The following NAV3 variants were observed in gnomAD, a reference collection of about 807,000 sequenced individuals.
NAV3 encodes the protein neuron navigator 3, also known as pore membrane and/or filament interacting like protein 1.
A neutral mutation model predicts 244.7 loss-of-function variants in NAV3; 87 were observed. The ratio of observed to expected loss-of-function variants is 0.36; its 90% confidence interval spans 0.30 to 0.42. NAV3 has a LOEUF of 0.42. NAV3 is among the 20% of genes least tolerant of loss of function. NAV3 has a pLI of 1.00. For missense variants in NAV3, 2,663 were observed against 2,893.3 expected (o/e 0.92, Z 1.83); for synonymous variants, 1,126 against 1,042.2 (o/e 1.08, Z -1.55).
chr12:78,188,922 A>C (rs1206807857), intron 33 of NAV3, 145 bp downstream of exon 33: 4 of 636,980 alleles, frequency 6.3e-6, no homozygotes, highest in Non-Finnish European at 1.0e-5. Flanking sequence ...GACTCATTTC[A>C]TACCAAAACT....
At chr12:77,973,997 C>T (rs1193744117) in intron 5 of NAV3, among the ~76,000 whole-genome samples, 2 of 151,852 alleles carry the variant, frequency 1.3e-5, no homozygotes, top group Admixed American at 6.6e-5. Context: ...TTATTCTTAA[C>T]TGACTGCATT....
chr12:77,781,993 A>C (rs1246719434), intron 2 of NAV3, among the ~76,000 whole-genome samples: 1 of 152,212 alleles, frequency 6.6e-6, no homozygotes, highest in African/African-American at 2.4e-5. Flanking sequence ...GAGCATTTAC[A>C]TGAAGATATA....
intron 33 of NAV3, 28 bp downstream of exon 33, chr12:78,188,805 G>A (rs1286756137): frequency 6.2e-7 from 1 of 1,600,666 alleles, no homozygotes; most frequent in South Asian, 1.1e-5. Flanking sequence ...AAGCAAGGCA[G>A]AAATATAATT....
At chr12:78,094,312 C>T (rs1954118900) in intron 12 of NAV3, among the ~76,000 whole-genome samples, 3 of 152,128 alleles carry the variant, frequency 2.0e-5, no homozygotes, top group Admixed American at 2.0e-4. Flanking sequence ...TACCAAAAGA[C>T]ACCTAGAAAA....
chr12:77,630,371 A>G (rs968951715), intron 2 of NAV3, among the ~76,000 whole-genome samples: 2 of 152,152 alleles, frequency 1.3e-5, no homozygotes, highest in African/African-American at 4.8e-5. Flanking sequence ...CACTATGAGC[A>G]CCTGTCTGCC....
In NAV3 at chr12:77,998,494, C is replaced by T. The variant is rs532173821; in HGVS notation, c.880+18C>T. On this transcript the variant is annotated intron_variant, in intron 7 of 39. Coordinates refer to ENST00000397909, the MANE Select transcript of NAV3 (RefSeq NM_001024383.2). Reference sequence around the variant, plus strand: ...CGAAAAAGGTAAGTGTTTGTTACATCATTATGACACAAGTCCAACATGAGT... The same window carrying T: ...CGAAAAAGGTAAGTGTTTGTTACATTATTATGACACAAGTCCAACATGAGT... 561 of 1,584,794 alleles carry T rather than the reference C, an allele frequency of 3.5e-4. 13 individuals carry two copies. In the South Asian group the frequency reaches 6.2e-3, roughly 17 times the overall value.
intron 3 of NAV3, among the ~76,000 whole-genome samples, chr12:77,951,532 C>T (rs976599703): frequency 1.3e-5 from 2 of 152,116 alleles, no homozygotes; most frequent in Non-Finnish European, 2.9e-5. Flanking sequence ...GGATCTGGAA[C>T]TAGAAATACC....
upstream of NAV3, among the ~76,000 whole-genome samples, chr12:77,827,198 G>T (rs970670905): frequency 8.2e-6 from 1 of 122,290 alleles, no homozygotes; most frequent in Non-Finnish European, 1.6e-5. Context: ...ATGAAATATA[G>T]TTACTCCAGC....
At position 77,878,668 on chromosome 12, in the gene NAV3, T is replaced by TG. The variant is rs1555221838; in HGVS notation, c.243+46964_243+46965insG. The stretch of plus-strand genomic sequence containing the variant: ...CAATCTTTTGTAATGCTTAAACTTC[T>TG]AAAAAAAAAAAAAACAAGGTCTTTT... On this transcript the variant is annotated intron_variant, in intron 1 of 39. Coordinates refer to ENST00000397909, the MANE Select transcript of NAV3 (RefSeq NM_001024383.2). Among the ~76,000 whole-genome samples, 798 of 137,868 alleles carry TG rather than the reference T, an allele frequency of 5.8e-3. 6 individuals are homozygous for TG. Among genetic ancestry groups the TG allele is most frequent in the African/African-American group, 0.02 (774 of 37,882 alleles). The allele number at this position is 137,868 out of a possible 152,430, so 90.4% of individuals were successfully genotyped here. A position where few individuals can be genotyped will look rare whatever the true frequency, so the allele number is the denominator to read the frequency against.
chr12:78,177,597 T>C, intron 27 of NAV3, 23 bp from the exon 28 acceptor site: 1 of 1,590,578 alleles, frequency 6.3e-7, no homozygotes, highest in Non-Finnish European at 8.5e-7. Context: ...TCCATGTATC[T>C]GTCTAACTGT....
At chr12:77,701,413 T>A (rs1016789474) in intron 2 of NAV3, among the ~76,000 whole-genome samples, 1 of 151,904 alleles carries the variant, frequency 6.6e-6, no homozygotes, top group East Asian at 1.9e-4. Context: ...ATACTTGTGA[T>A]ATGTATTTTC....
chr12:77,704,885 G>C (rs369104066), intron 2 of NAV3, among the ~76,000 whole-genome samples: 1 of 152,126 alleles, frequency 6.6e-6, no homozygotes, highest in Non-Finnish European at 1.5e-5. Flanking sequence ...ACTTCACTGT[G>C]GGTTTCCCCT....
At chr12:77,646,379 A>G (rs957299939) in intron 2 of NAV3, among the ~76,000 whole-genome samples, 2 of 152,196 alleles carry the variant, frequency 1.3e-5, no homozygotes, top group African/African-American at 4.8e-5. Flanking sequence ...ACAGAGGCAG[A>G]GAAAGCGGAA....
intron 2 of NAV3, among the ~76,000 whole-genome samples, chr12:77,580,979 C>T (rs1363242380): frequency 6.6e-6 from 1 of 152,144 alleles, no homozygotes; most frequent in African/African-American, 2.4e-5. Flanking sequence ...GTTCCCCTGC[C>T]ATACTTCTCC....
chr12:77,786,691 T>C (rs1442679676), intron 2 of NAV3, among the ~76,000 whole-genome samples: 1 of 152,186 alleles, frequency 6.6e-6, no homozygotes, highest in Non-Finnish European at 1.5e-5. Context: ...GGAAGGATTA[T>C]GTGGAAGGAA....
rs1956836955 is a variant in NAV3, at chr12:78,145,694, TTTCC to T, written c.4684-674_4684-671del. On this transcript the variant is annotated intron_variant, in intron 20 of 39. Coordinates refer to ENST00000397909, the MANE Select transcript of NAV3 (RefSeq NM_001024383.2). ...CTGCAAATTCCTATGGCAGTCCTCC[TTTCC>T]ATAAGCTGCATAGCCAAAAATGTTT... 3.9e-5 allele frequency among the ~76,000 whole-genome samples: 6 copies of T among 152,314 alleles called. No individual in the cohort carries two copies. The South Asian group carries it at 1.2e-3, about 32-fold the overall frequency.
At chr12:77,681,957 G>A (rs1254307739) in intron 2 of NAV3, among the ~76,000 whole-genome samples, 2 of 152,154 alleles carry the variant, frequency 1.3e-5, no homozygotes, top group African/African-American at 2.4e-5. Context: ...ATTTACACAT[G>A]CATTATCTTG....
At chr12:78,154,140 GTA>G (rs1209764186) in intron 22 of NAV3, among the ~76,000 whole-genome samples, 1 of 135,984 alleles carries the variant, frequency 7.4e-6, no homozygotes, top group East Asian at 2.1e-4. Context: ...GTGTGTGTGT[GTA>G]TATATGTATA....
chr12:77,691,868 G>C (rs1164742389), intron 2 of NAV3, among the ~76,000 whole-genome samples: 1 of 151,910 alleles, frequency 6.6e-6, no homozygotes, highest in Non-Finnish European at 1.5e-5. Flanking sequence ...AGATCTGTCA[G>C]AAATCAAAGC....
Sources: gnomAD v4.1 joint callset for allele counts (sites outside exome capture counted in the v4.1 genomes callset) on GRCh38, gnomAD v4.1.1 for gene constraint, MANE v1.5 for transcripts, NCBI Gene and HGNC (gene_info 2026-07-23, HGNC 2026-07-21) for gene names.